EDC3: variants seen among roughly 807,000 people sequenced by gnomAD.
EDC3 encodes the protein enhancer of mRNA decapping 3, also known as enhancer of mRNA-decapping protein 3.
A neutral mutation model predicts 41.8 loss-of-function variants in EDC3; 20 were observed. The ratio of observed to expected loss-of-function variants is 0.48; its 90% CI spans 0.34 to 0.70. The LOEUF (loss-of-function observed/expected upper bound fraction) is 0.70, where lower values mean the gene tolerates loss of function less well. Ranked by LOEUF, EDC3 falls within the 30% of genes least tolerant of loss-of-function variation. The probability of loss-of-function intolerance (pLI) is 0.01; values close to 1 mark genes in which losing one functional copy is unlikely to be tolerated. For synonymous variants in EDC3, 206 were observed against 243.2 expected (o/e 0.85, Z 1.42); for missense variants, 444 against 636.8 (o/e 0.70, Z 3.26).
At chr15:74,647,049 G>T (rs553833672) in intron 4 of EDC3, among the ~76,000 whole-genome samples, 1 of 141,406 alleles carries the variant, frequency 7.1e-6, no homozygotes, top group Non-Finnish European at 1.5e-5. Flanking sequence ...TCGTTCTGTC[G>T]CCCAGGCTGG....
At chr15:74,663,482 G>A (rs1009825963) in intron 3 of EDC3, among the ~76,000 whole-genome samples, 4 of 151,978 alleles carry the variant, frequency 2.6e-5, no homozygotes, top group Non-Finnish European at 5.9e-5. Context: ...ATTTCTGAGC[G>A]CCAACGTGAT....
chr15:74,631,003 C>T lies in EDC3; in HGVS notation c.*1609G>A, dbSNP rs566723330. 1.6e-4 allele frequency: 25 copies of T among 152,348 alleles called. No individual in the cohort carries two copies. The highest frequency in any genetic ancestry group is 6.0e-4 in the African/African-American group (25 of 41,574). 9.4% of individuals were successfully genotyped at this position (152,348 alleles called of 1,614,324 possible). A position where few individuals can be genotyped will look rare whatever the true frequency, so the allele number is the denominator to read the frequency against. ...CTCAGATTTTGGCCAAGAGAGGGCC[C>T]CGGCTTGGGAGCTGCTTGGCCCTGA... On this transcript the variant is annotated 3_prime_UTR_variant, in exon 7 of 7. Coordinates refer to ENST00000315127, the MANE Select transcript of EDC3 (RefSeq NM_025083.5).
chr15:74,635,770 A>C, intron 5 of EDC3, 144 bp from the exon 6 acceptor site: 1 of 743,690 alleles, frequency 1.3e-6, no homozygotes, highest in Non-Finnish European at 2.2e-6. Flanking sequence ...GGGGGACAAA[A>C]TCCACTGCAG....
chr15:74,663,629 G>A (rs984708732), intron 3 of EDC3, among the ~76,000 whole-genome samples: 8 of 148,612 alleles, frequency 5.4e-5, no homozygotes, highest in African/African-American at 1.5e-4. Flanking sequence ...AGCGTTTTGC[G>A]TTAAGAGATA....
At chr15:74,689,050 GT>G (rs1331188613) in intron 1 of EDC3, among the ~76,000 whole-genome samples, 1 of 152,044 alleles carries the variant, frequency 6.6e-6, no homozygotes, top group Non-Finnish European at 1.5e-5. Context: ...ACATAGTTGG[GT>G]TATTTCTAGT....
chr15:74,651,797 A>G (rs1446927462), intron 4 of EDC3, among the ~76,000 whole-genome samples: 2 of 152,228 alleles, frequency 1.3e-5, no homozygotes, highest in African/African-American at 2.4e-5. Context: ...TCAACTTACA[A>G]TGAGTGTTAT....
At chr15:74,634,561 C>T (rs2062248454) in intron 6 of EDC3, among the ~76,000 whole-genome samples, 1 of 152,112 alleles carries the variant, frequency 6.6e-6, no homozygotes, top group Non-Finnish European at 1.5e-5. Context: ...GCTGTTCCTC[C>T]CCAAACCTTC....
chr15:74,693,101 T>C (rs933051100), intron 1 of EDC3: 4 of 152,186 alleles, frequency 2.6e-5, no homozygotes, highest in African/African-American at 9.7e-5. Flanking sequence ...GCCCATAAAT[T>C]TACTCTTAGC....
At chr15:74,659,452 C>T (rs1470389695) in intron 3 of EDC3, among the ~76,000 whole-genome samples, 1 of 146,398 alleles carries the variant, frequency 6.8e-6, no homozygotes, top group Non-Finnish European at 1.5e-5. Context: ...AAGAGCAAAA[C>T]TTCGACTCAA....
At position 74,656,081 on chromosome 15, in the gene EDC3, T is replaced by C. The variant is rs202125728; in HGVS notation, c.485-13A>G. ...CTACTAGATGACCCTGGAGAAAAAA[T>C]AGGGACTAAAGTCAGTGTATCCACA... On this transcript the variant is annotated splice_polypyrimidine_tract_variant and intron_variant, in intron 3 of 6. Coordinates refer to ENST00000315127, the MANE Select transcript of EDC3 (RefSeq NM_025083.5). 1.9e-6 allele frequency: 3 copies of C among 1,603,024 alleles called. No homozygotes were observed. The highest frequency in any genetic ancestry group is 2.2e-5 in the East Asian group (1 of 44,730).
At chr15:74,633,659 A>T (rs2062238759) in intron 6 of EDC3, among the ~76,000 whole-genome samples, 1 of 152,192 alleles carries the variant, frequency 6.6e-6, no homozygotes, top group African/African-American at 2.4e-5. Flanking sequence ...AAGAAGTTAA[A>T]CTGAGAATAG....
intron 3 of EDC3, among the ~76,000 whole-genome samples, chr15:74,665,874 T>C (rs930201960): frequency 1.3e-5 from 2 of 151,192 alleles, no homozygotes; most frequent in African/African-American, 4.9e-5. Context: ...CTCAGCTCAC[T>C]GCAACCTCCG....
At chr15:74,666,015 C>T (rs2062673130) in intron 3 of EDC3, among the ~76,000 whole-genome samples, 1 of 151,996 alleles carries the variant, frequency 6.6e-6, no homozygotes, top group Non-Finnish European at 1.5e-5. Flanking sequence ...CTAGGCTGGT[C>T]TCAAACTCCT....
At chr15:74,635,984 G>A in intron 5 of EDC3, 1 of 266,408 alleles carries the variant, frequency 3.8e-6, no homozygotes, top group Non-Finnish European at 7.3e-6. Flanking sequence ...ACTCCAGCAG[G>A]GCTGGTCTCA....
At chr15:74,686,721 A>G (rs190911981) in intron 1 of EDC3, among the ~76,000 whole-genome samples, 26 of 152,336 alleles carry the variant, frequency 1.7e-4, no homozygotes, top group African/African-American at 5.3e-4. Context: ...CAGAGGATAC[A>G]GTGAGCAGAA....
chr15:74,632,540 G>A lies in EDC3; in HGVS notation c.*72C>T. On this transcript the variant is annotated 3_prime_UTR_variant, in exon 7 of 7. Transcript: ENST00000315127. This position sits in a 1 kb window ranked among gnomAD's most constrained non-coding sequence, Gnocchi z 4.0. The stretch of plus-strand genomic sequence containing the variant: ...AAAAAACTTTAACAAGGTCCATGAA[G>A]CTTCATATCCTTAAGGCGTTTGTTA... 6.6e-7 allele frequency: 1 copy of A among 1,523,262 alleles called. No individual in the cohort carries two copies. The highest frequency in any genetic ancestry group is 8.9e-7 in the Non-Finnish European group (1 of 1,121,392). 94.4% of individuals were successfully genotyped at this position (1,523,262 alleles called of 1,614,324 possible).
intron 5 of EDC3, 83 bp downstream of exon 5, chr15:74,640,383 G>C: frequency 6.9e-7 from 1 of 1,455,228 alleles, no homozygotes; most frequent in Non-Finnish European, 9.4e-7. Context: ...GAACTCGTAT[G>C]TGTGTATGGG....
intron 1 of EDC3, among the ~76,000 whole-genome samples, chr15:74,681,424 A>G (rs908205071): frequency 6.6e-5 from 10 of 152,200 alleles, no homozygotes; most frequent in African/African-American, 2.4e-4. Context: ...GTGCTGGATT[A>G]CAGGCGTGAG....
chr15:74,674,842 C>T, intron 2 of EDC3, 119 bp downstream of exon 2: 8 of 1,183,858 alleles, frequency 6.8e-6, no homozygotes, highest in South Asian at 1.4e-5. Flanking sequence ...CAGTGAAACC[C>T]CATCTCTACT....
Sources: allele counts gnomAD v4.1 joint callset (sites outside exome capture counted in the v4.1 genomes callset), GRCh38; gene constraint gnomAD v4.1.1; non-coding constraint Gnocchi (gnomAD v3.1); transcripts MANE v1.5; gene names NCBI Gene and HGNC (gene_info 2026-07-23, HGNC 2026-07-21).